The following CDK14 variants were observed in gnomAD, a reference collection of about 807,000 sequenced individuals.
CDK14 encodes cyclin-dependent kinase 14.
Under a neutral mutation model 60.7 loss-of-function variants are expected in CDK14, and 34 were observed. The ratio of observed to expected loss-of-function variants is 0.56; its 90% confidence interval spans 0.43 to 0.75. The LOEUF (loss-of-function observed/expected upper bound fraction) is 0.75. Ranked by LOEUF, CDK14 falls within the 30% of genes least tolerant of loss-of-function variation. The probability of loss-of-function intolerance (pLI) is 0.00; values close to 1 mark genes in which losing one functional copy is unlikely to be tolerated. For missense variants in CDK14, 482 were observed against 564.1 expected (o/e 0.85, Z 1.47); for synonymous variants, 197 against 203.7 (o/e 0.97, Z 0.28).
At chr7:91,089,946 T>A (rs933509602) in intron 12 of CDK14, among the ~76,000 whole-genome samples, 1 of 152,180 alleles carries the variant, frequency 6.6e-6, no homozygotes, top group Non-Finnish European at 1.5e-5. Context: ...TAGTTCTAAT[T>A]TTATTTGGTA....
intron 14 of CDK14, among the ~76,000 whole-genome samples, chr7:91,190,703 T>C (rs565043119): frequency 6.6e-6 from 1 of 152,154 alleles, no homozygotes; most frequent in African/African-American, 2.4e-5. Context: ...CCGGACAGGC[T>C]GGTCTCAAAC....
chr7:90,734,485 T>G (rs543714949), intron 3 of CDK14, among the ~76,000 whole-genome samples: 1 of 152,320 alleles, frequency 6.6e-6, no homozygotes, highest in South Asian at 2.1e-4. Flanking sequence ...CAGTCCCGTA[T>G]TTCTTGGAGG....
chr7:90,603,120 T>C (rs1400660913), intron 1 of CDK14, among the ~76,000 whole-genome samples: 1 of 152,224 alleles, frequency 6.6e-6, no homozygotes, highest in Non-Finnish European at 1.5e-5. Context: ...AGCAAACACC[T>C]ATGCATTGTT....
intron 8 of CDK14, among the ~76,000 whole-genome samples, chr7:90,926,279 AT>A (rs1793412678): frequency 6.6e-6 from 1 of 152,172 alleles, no homozygotes; most frequent in African/African-American, 2.4e-5. Flanking sequence ...GAGACCCAGA[AT>A]ACTAGATGTC....
At chr7:90,847,293 T>G (rs1016010171) in intron 5 of CDK14, among the ~76,000 whole-genome samples, 1 of 152,182 alleles carries the variant, frequency 6.6e-6, no homozygotes, top group African/African-American at 2.4e-5. Flanking sequence ...AGGTGGTCAA[T>G]ACATATTAGC....
At chr7:91,048,340 A>G (rs1797297658) in intron 11 of CDK14, among the ~76,000 whole-genome samples, 1 of 152,182 alleles carries the variant, frequency 6.6e-6, no homozygotes, top group South Asian at 2.1e-4. Flanking sequence ...GAGGAGGCCA[A>G]TGTGGTGTCC....
chr7:90,750,153 A>AACAG (rs1336337895), intron 4 of CDK14, among the ~76,000 whole-genome samples: 9 of 131,322 alleles, frequency 6.9e-5, no homozygotes, highest in Admixed American at 3.0e-4. Flanking sequence ...GGGGAAAGAA[A>AACAG]ACACACACAC....
At chr7:90,968,359 T>C (rs1166202089) in intron 9 of CDK14, among the ~76,000 whole-genome samples, 1 of 152,220 alleles carries the variant, frequency 6.6e-6, no homozygotes, top group South Asian at 2.1e-4. Flanking sequence ...AACATCCTGC[T>C]AAATTTCATT....
At chr7:91,151,228 CA>C (rs1245788187) in intron 14 of CDK14, among the ~76,000 whole-genome samples, 1 of 152,120 alleles carries the variant, frequency 6.6e-6, no homozygotes, top group Non-Finnish European at 1.5e-5. Context: ...ACTGAGAACT[CA>C]AAAGTCCCAG....
intron 5 of CDK14, among the ~76,000 whole-genome samples, chr7:90,806,424 AC>A (rs752124551): frequency 1.3e-5 from 2 of 152,186 alleles, no homozygotes; most frequent in Non-Finnish European, 2.9e-5. Flanking sequence ...TGATGAAAAG[AC>A]CCCCACAATT....
chr7:91,061,748 C>T (rs1440499009), intron 11 of CDK14, among the ~76,000 whole-genome samples: 6 of 152,186 alleles, frequency 3.9e-5, no homozygotes, highest in African/African-American at 7.2e-5. Flanking sequence ...GCTGCCTGAT[C>T]GTTCCTCTGG....
chr7:90,792,576 C>G (rs1486244733), intron 5 of CDK14, among the ~76,000 whole-genome samples: 1 of 152,138 alleles, frequency 6.6e-6, no homozygotes, highest in Non-Finnish European at 1.5e-5. Flanking sequence ...TTCCTCTACC[C>G]AAATCTAGCC....
intron 6 of CDK14, among the ~76,000 whole-genome samples, chr7:90,895,586 A>C (rs1027782752): frequency 5.1e-4 from 60 of 116,830 alleles, no homozygotes; most frequent in African/African-American, 2.0e-3. Flanking sequence ...TTCCTGACAG[A>C]GTCTTGCTCT....
At chr7:90,930,528 G>GTTTT (rs1793558630) in intron 8 of CDK14, among the ~76,000 whole-genome samples, 2 of 99,716 alleles carry the variant, frequency 2.0e-5, no homozygotes, top group African/African-American at 9.1e-5. Flanking sequence ...CACAGGCTAA[G>GTTTT]CTTTTTTTTT....
At chr7:90,710,336 C>G (rs940103644) in intron 2 of CDK14, 7 of 984,068 alleles carry the variant, frequency 7.1e-6, no homozygotes, top group Non-Finnish European at 8.4e-6. Context: ...TTTTTTTTGC[C>G]TGGCTGTGCT....
chr7:90,944,889 G>A (rs766115645), intron 8 of CDK14, among the ~76,000 whole-genome samples: 15 of 152,186 alleles, frequency 9.9e-5, no homozygotes, highest in Admixed American at 5.2e-4. Flanking sequence ...TTCATTACCT[G>A]GACCAGGAAG....
At chr7:91,158,427 A>G (rs762058522) in intron 14 of CDK14, among the ~76,000 whole-genome samples, 13 of 151,854 alleles carry the variant, frequency 8.6e-5, no homozygotes, top group Non-Finnish European at 1.8e-4. Context: ...GTGTTTCTCA[A>G]GCTAGTCTCA....
intron 5 of CDK14, among the ~76,000 whole-genome samples, chr7:90,793,662 T>C (rs972267561): frequency 2.6e-5 from 4 of 152,210 alleles, no homozygotes; most frequent in Admixed American, 2.0e-4. Flanking sequence ...GTCATCACAA[T>C]AATTGAACAA....
intron 10 of CDK14, among the ~76,000 whole-genome samples, chr7:91,039,001 G>A (rs1032619789): frequency 5.9e-5 from 9 of 152,150 alleles, no homozygotes; most frequent in African/African-American, 1.9e-4. Flanking sequence ...ATACAGGGGT[G>A]TTCCCAGAAG....
Sources: gnomAD v4.1 joint callset for allele counts (sites outside exome capture counted in the v4.1 genomes callset) on GRCh38, gnomAD v4.1.1 for gene constraint, MANE v1.5 for transcripts, NCBI Gene and HGNC (gene_info 2026-07-23, HGNC 2026-07-21) for gene names.